CPT1A: variants seen among roughly 807,000 people sequenced by gnomAD.
The protein encoded by CPT1A is carnitine palmitoyltransferase 1A, also known as carnitine O-palmitoyltransferase 1, liver isoform.
In CPT1A, 64 loss-of-function variants were observed where a neutral mutation model predicts 100.8. The observed-to-expected ratio is 0.63, with a 90% CI of 0.52 to 0.78. The LOEUF (loss-of-function observed/expected upper bound fraction) is 0.78. Ranked by LOEUF, CPT1A falls within the 30% of genes least tolerant of loss-of-function variation. CPT1A has a pLI of 0.00. For missense variants in CPT1A, 802 were observed against 1,034.1 expected (o/e 0.78, Z 3.08); for synonymous variants, 363 against 396.0 (o/e 0.92, Z 0.99).
chr11:68,792,230 G>A (rs535033748), intron 9 of CPT1A, among the ~76,000 whole-genome samples: 7 of 152,202 alleles, frequency 4.6e-5, no homozygotes, highest in African/African-American at 1.7e-4. Flanking sequence ...CCAGCTACTC[G>A]GGAGGCTGAG....
At chr11:68,765,553 C>T (rs2153995682) in intron 14 of CPT1A, among the ~76,000 whole-genome samples, 1 of 152,322 alleles carries the variant, frequency 6.6e-6, no homozygotes, top group South Asian at 2.1e-4. Context: ...TATGGCATCA[C>T]ACACTAGCAC....
chr11:68,780,986 G>A (rs755062005), intron 11 of CPT1A, among the ~76,000 whole-genome samples: 1 of 152,146 alleles, frequency 6.6e-6, no homozygotes, highest in Non-Finnish European at 1.5e-5. Flanking sequence ...CTGAAGTCAG[G>A]ACCTGTTGTT....
At chr11:68,804,677 G>C (rs776692408) in intron 4 of CPT1A, among the ~76,000 whole-genome samples, 1 of 152,228 alleles carries the variant, frequency 6.6e-6, no homozygotes, top group Non-Finnish European at 1.5e-5. Flanking sequence ...TGCCAGCGTC[G>C]TGACTGGCCA....
At chr11:68,811,381 A>G (rs1321993385) in intron 3 of CPT1A, among the ~76,000 whole-genome samples, 1 of 152,238 alleles carries the variant, frequency 6.6e-6, no homozygotes, top group East Asian at 1.9e-4. Flanking sequence ...GACACTTCCG[A>G]GACACTGTGG....
intron 4 of CPT1A, among the ~76,000 whole-genome samples, chr11:68,807,062 A>G (rs1449630282): frequency 6.6e-6 from 1 of 152,202 alleles, no homozygotes; most frequent in Non-Finnish European, 1.5e-5. Context: ...CTGAGGGCCA[A>G]AGCAAGCTGG....
intron 1 of CPT1A, among the ~76,000 whole-genome samples, chr11:68,823,984 C>T (rs559639310): frequency 3.3e-5 from 5 of 151,872 alleles, no homozygotes; most frequent in Admixed American, 1.3e-4. Context: ...CGGTGGCTCA[C>T]GCCTGTAATC....
At chr11:68,817,752 G>T (rs540158131) in intron 1 of CPT1A, among the ~76,000 whole-genome samples, 3 of 144,374 alleles carry the variant, frequency 2.1e-5, no homozygotes, top group Non-Finnish European at 4.5e-5. Flanking sequence ...CAGGCTGTTG[G>T]GGGGGGGTCA....
intron 3 of CPT1A, among the ~76,000 whole-genome samples, chr11:68,809,378 A>G (rs1390784720): frequency 6.6e-6 from 1 of 152,256 alleles, no homozygotes; most frequent in Non-Finnish European, 1.5e-5. Flanking sequence ...GTATAGACAT[A>G]GAGGCACTCA....
At chr11:68,789,677 C>G (rs188031908) in intron 9 of CPT1A, among the ~76,000 whole-genome samples, 1 of 152,328 alleles carries the variant, frequency 6.6e-6, no homozygotes, top group African/African-American at 2.4e-5. Context: ...GCTGGGATTA[C>G]AGGCGTGAGC....
intron 9 of CPT1A, among the ~76,000 whole-genome samples, chr11:68,790,112 G>A (rs1310003736): frequency 6.6e-6 from 1 of 151,850 alleles, no homozygotes; most frequent in Non-Finnish European, 1.5e-5. Context: ...TGTCACCCAG[G>A]CTAAGTGCAG....
At chr11:68,782,286 T>C (rs768726337) in intron 10 of CPT1A, among the ~76,000 whole-genome samples, 97 of 151,950 alleles carry the variant, frequency 6.4e-4, no homozygotes, top group Non-Finnish European at 1.3e-3. Context: ...TGACACACCC[T>C]CCCTCCCCTC....
intron 9 of CPT1A, among the ~76,000 whole-genome samples, chr11:68,786,736 C>T (rs1167635476): frequency 6.6e-6 from 1 of 152,178 alleles, no homozygotes; most frequent in Non-Finnish European, 1.5e-5. Context: ...ACCGTGTTGG[C>T]CAGGCTGGTC....
chr11:68,812,110 A>C (rs1856228576), intron 3 of CPT1A, among the ~76,000 whole-genome samples: 1 of 152,190 alleles, frequency 6.6e-6, no homozygotes. Context: ...CTTTGAGCAG[A>C]AATTCCATTT....
At chr11:68,782,587 A>C (rs1855343331) in intron 10 of CPT1A, among the ~76,000 whole-genome samples, 2 of 152,182 alleles carry the variant, frequency 1.3e-5, no homozygotes, top group Non-Finnish European at 2.9e-5. Context: ...TTGAATACAC[A>C]GAACTGGTGT....
chr11:68,763,745 C>A (rs1594318730), intron 14 of CPT1A, among the ~76,000 whole-genome samples: 1 of 152,130 alleles, frequency 6.6e-6, no homozygotes. Flanking sequence ...GGCATGGAAA[C>A]ATGGTGCCTG....
At chr11:68,804,967 C>T (rs1016114908) in intron 4 of CPT1A, among the ~76,000 whole-genome samples, 6 of 152,172 alleles carry the variant, frequency 3.9e-5, no homozygotes, top group Admixed American at 2.0e-4. Context: ...TGGGCCCAGG[C>T]GGGGAGTCTT....
At chr11:68,768,742 C>A (rs1038192586) in intron 14 of CPT1A, among the ~76,000 whole-genome samples, 1 of 152,148 alleles carries the variant, frequency 6.6e-6, no homozygotes, top group East Asian at 1.9e-4. Flanking sequence ...CTTGCTCACA[C>A]GTGTTTTTTG....
At chr11:68,778,624 A>T (rs543132696) in intron 12 of CPT1A, among the ~76,000 whole-genome samples, 8 of 151,484 alleles carry the variant, frequency 5.3e-5, no homozygotes, top group African/African-American at 1.9e-4. Context: ...TGAACCGGGG[A>T]GGCAGAGGTG....
chr11:68,762,881 C>T (rs532299153), intron 14 of CPT1A, 120 bp from the exon 15 acceptor site: 59 of 1,307,750 alleles, frequency 4.5e-5, no homozygotes, highest in Admixed American at 3.3e-4. Context: ...TTTTTTGAGA[C>T]GGGGTCTTGC....
Sources: allele counts gnomAD v4.1 joint callset (sites outside exome capture counted in the v4.1 genomes callset), GRCh38; gene constraint gnomAD v4.1.1; transcripts MANE v1.5; gene names NCBI Gene and HGNC (gene_info 2026-07-23, HGNC 2026-07-21).